OR5H14: variants seen among roughly 807,000 people sequenced by gnomAD.
OR5H14 encodes the protein olfactory receptor 5H14.
For missense variants in OR5H14, 392 were observed against 363.9 expected (o/e 1.08, Z -0.63); for synonymous variants, 155 against 130.6 (o/e 1.19, Z -1.28).
Position 98,152,487 on chromosome 3 carries a change from A to G in OR5H14, c.*2169A>G, listed in dbSNP as rs1708522468. 2.6e-5 allele frequency: 4 copies of G among 152,198 alleles called. No homozygotes were observed. Among genetic ancestry groups the G allele is most frequent in the Admixed American group, 2.6e-4 (4 of 15,272 alleles). 9.4% of individuals were successfully genotyped at this position (152,198 alleles called of 1,614,324 possible). A position where few individuals can be genotyped will look rare whatever the true frequency, so the allele number is the denominator to read the frequency against. ...TGCAGCCATAAAAAAGAATGAGTTC[A>G]TGTCCTTTGCAGGGACATGGATGAA... On this transcript the variant is annotated 3_prime_UTR_variant, in exon 2 of 2. Coordinates refer to ENST00000641380, the MANE Select transcript of OR5H14 (RefSeq NM_001005514.2).
chr3:98,149,337 G>C lies in OR5H14; in HGVS notation c.-18-31G>C, dbSNP rs199717823. 1.3e-3 allele frequency: 2,119 copies of C among 1,597,662 alleles called. 32 individuals carry two copies. The Admixed American group carries it at 0.024, about 18-fold the overall frequency. On this transcript the variant is annotated intron_variant, in intron 1 of 1. Transcript: ENST00000641380. ...TTCAACTCATAATGTCATTGCAGATGTTCCCTTTCATTTGTTGCATTTTAT... is the reference window on the plus strand; with the variant it reads ...TTCAACTCATAATGTCATTGCAGATCTTCCCTTTCATTTGTTGCATTTTAT...
Position 98,149,817 on chromosome 3 carries a change from A to G in OR5H14, c.432A>G (p.Leu144=), listed in dbSNP as rs1392417104. The stretch of plus-strand genomic sequence containing the variant: ...TGACCAATGGACTGTGCATCCGGCT[A>G]TTAATCTTGTCATATGTAGGTGGTC... ...AIMTNGLCIR[L]LILSYVGGLL... is the part of the protein sequence containing the mutation. The change falls in exon 2 of 2, where the codon CTA becomes CTG. Residue 144 remains leucine, a synonymous_variant. Transcript: ENST00000641380. 1.9e-6 allele frequency: 3 copies of G among 1,612,660 alleles called. No individual in the cohort carries two copies. Among genetic ancestry groups the G allele is most frequent in the Non-Finnish European group, 2.5e-6 (3 of 1,179,700 alleles).
intron 1 of OR5H14, 63 bp from the exon 2 acceptor site, chr3:98,149,305 T>G (rs1708464171): frequency 1.3e-6 from 2 of 1,531,270 alleles, no homozygotes; most frequent in Non-Finnish European, 1.8e-6. Context: ...AACACCTCTT[T>G]CCCAATTTCA....
In OR5H14 at chr3:98,155,686, G is replaced by C. The variant is rs2107321725; in HGVS notation, c.*5368G>C. On this transcript the variant is annotated 3_prime_UTR_variant, in exon 2 of 2. Transcript: ENST00000641380. The stretch of plus-strand genomic sequence containing the variant: ...GGAGGACAATTTTACAAGTTTACTT[G>C]GGGTTGCCTTCTGAAGGGAATCTAG... 1 of 152,304 alleles carries C rather than the reference G, an allele frequency of 6.6e-6. No individual in the cohort carries two copies. Among genetic ancestry groups the C allele is most frequent in the East Asian group, 1.9e-4 (1 of 5,180 alleles). The allele number at this position is 152,304 out of a possible 1,614,324, so 9.4% of individuals were successfully genotyped here.
chr3:98,153,512 G>A lies in OR5H14; in HGVS notation c.*3194G>A, dbSNP rs1454598397. On this transcript the variant is annotated 3_prime_UTR_variant, in exon 2 of 2. Coordinates refer to ENST00000641380, the MANE Select transcript of OR5H14 (RefSeq NM_001005514.2). ...GCAGGAGAATCACTTAAACCCAGGA[G>A]TGGGAGGTTGCAGTGAGCCGAGAAG... The A allele has an allele frequency of 6.6e-6, 1 of 152,178 alleles. No homozygotes were observed. Among genetic ancestry groups the A allele is most frequent in the Non-Finnish European group, 1.5e-5 (1 of 68,046 alleles). 9.4% of individuals were successfully genotyped at this position (152,178 alleles called of 1,614,324 possible). A position where few individuals can be genotyped will look rare whatever the true frequency, so the allele number is the denominator to read the frequency against.
In OR5H14 at chr3:98,149,918, A is replaced by G. The variant is rs763709233; in HGVS notation, c.533A>G (p.Tyr178Cys). The change falls in exon 2 of 2, where the codon TAC (tyrosine) becomes TGC (cysteine). Residue 178 changes from tyrosine (Y) to cysteine (C), a missense_variant. Transcript: ENST00000641380. ...FCNSNIIQHF[Y>C]CDIIPLLKIS... ...AACTCCAACATAATACAACACTTTTACTGTGACATTATCCCATTGTTAAAG... is the reference window on the plus strand; with the variant it reads ...AACTCCAACATAATACAACACTTTTGCTGTGACATTATCCCATTGTTAAAG... The G allele has an allele frequency of 6.2e-7, 1 of 1,613,466 alleles. No homozygotes were observed.
chr3:98,150,008 T>A lies in OR5H14; in HGVS notation c.623T>A (p.Val208Asp). Residue 208 changes from valine (V) to aspartate (D), a missense_variant, in exon 2 of 2, where the codon GTT (valine) becomes GAT (aspartate). By Grantham distance (152) the Val-to-Asp change is radical. Transcript: ENST00000641380. Reference sequence around the variant, plus strand: ...TTTATTTTTGCAGGTTCAATTCAAGTTTTTACCATAGGGACTGTTCTTATA... The same window carrying A: ...TTTATTTTTGCAGGTTCAATTCAAGATTTTACCATAGGGACTGTTCTTATA... Reference protein sequence around the residue: ...MVFIFAGSIQVFTIGTVLISY... With the variant: ...MVFIFAGSIQDFTIGTVLISY... 1 of 1,613,058 alleles carries A rather than the reference T, an allele frequency of 6.2e-7. No homozygotes were observed.
Position 98,149,927 on chromosome 3 carries a change from T to G in OR5H14, c.542T>G (p.Ile181Ser), listed in dbSNP as rs756775457. 5 of 1,613,352 alleles carry G rather than the reference T, an allele frequency of 3.1e-6. No homozygotes were observed. In the African/African-American group the frequency reaches 6.7e-5, roughly 22 times the overall value. ...SNIIQHFYCD[I>S]IPLLKISYTD... ...ATAATACAACACTTTTACTGTGACA[T>G]TATCCCATTGTTAAAGATTTCTTAT... The change falls in exon 2 of 2, where the codon ATT (isoleucine) becomes AGT (serine). Residue 181 changes from isoleucine to serine, a missense_variant. By Grantham distance (142) the Ile-to-Ser change is moderately radical. Transcript: ENST00000641380.
chr3:98,154,157 T>A lies in OR5H14; in HGVS notation c.*3839T>A, dbSNP rs1312963767. ...TTTAATTTTGCCTTATAGTCAGAGA[T>A]TAATTCCTGTTTTGTTTATAAGATT... On this transcript the variant is annotated 3_prime_UTR_variant, in exon 2 of 2. Coordinates refer to ENST00000641380, the MANE Select transcript of OR5H14 (RefSeq NM_001005514.2). The A allele has an allele frequency of 2.6e-5, 4 of 152,158 alleles. No homozygotes were observed. The South Asian group carries it at 8.3e-4, about 32-fold the overall frequency. The allele number at this position is 152,158 out of a possible 1,614,324, so 9.4% of individuals were successfully genotyped here.
Position 98,150,024 on chromosome 3 carries a change from T to G in OR5H14, c.639T>G (p.Thr213=). The G allele has an allele frequency of 6.2e-7, 1 of 1,612,992 alleles. No homozygotes were observed. The highest frequency in any genetic ancestry group is 8.5e-7 in the Non-Finnish European group (1 of 1,179,528). Residue 213 remains threonine (T), a synonymous_variant, in exon 2 of 2, where the codon ACT becomes ACG. Transcript: ENST00000641380. Reference sequence around the variant, plus strand: ...CAATTCAAGTTTTTACCATAGGGACTGTTCTTATATCTTACATATTTGTCC... The same window carrying G: ...CAATTCAAGTTTTTACCATAGGGACGGTTCTTATATCTTACATATTTGTCC... ...AGSIQVFTIG[T]VLISYIFVLY...
Position 98,149,785 on chromosome 3 carries a change from G to T in OR5H14, c.400G>T (p.Ala134Ser). 6.2e-7 allele frequency: 1 copy of T among 1,612,594 alleles called. No individual in the cohort carries two copies. Among genetic ancestry groups the T allele is most frequent in the South Asian group, 1.1e-5 (1 of 91,072 alleles). Residue 134 changes from alanine (A) to serine (S), a missense_variant, in exon 2 of 2, where the codon GCC becomes TCC. By Grantham distance (99) the Ala-to-Ser change is moderately conservative (BLOSUM62 1). Coordinates refer to ENST00000641380, the MANE Select transcript of OR5H14 (RefSeq NM_001005514.2). ...VAICKPLLYP[A>S]IMTNGLCIRL... ...CATATGCAAACCCTTACTTTATCCAGCCATTATGACCAATGGACTGTGCAT... is the reference window on the plus strand; with the variant it reads ...CATATGCAAACCCTTACTTTATCCATCCATTATGACCAATGGACTGTGCAT...
intron 1 of OR5H14, chr3:98,148,278 A>G (rs552108711): frequency 2.0e-5 from 3 of 152,162 alleles, no homozygotes; most frequent in African/African-American, 7.2e-5. Flanking sequence ...CATCTTGGCT[A>G]TTTACCAGAC....
In OR5H14 at chr3:98,150,349, A is replaced by G; in HGVS notation, c.*31A>G. ...TACTAATATCTCTTTTCTATTTACT[A>G]AAATGTCACAAAATTGTGCAAATTA... On this transcript the variant is annotated 3_prime_UTR_variant, in exon 2 of 2. Coordinates refer to ENST00000641380, the MANE Select transcript of OR5H14 (RefSeq NM_001005514.2). 1 of 1,405,774 alleles carries G rather than the reference A, an allele frequency of 7.1e-7. No homozygotes were observed. Among genetic ancestry groups the G allele is most frequent in the Non-Finnish European group, 9.5e-7 (1 of 1,055,834 alleles). The allele number at this position is 1,405,774 out of a possible 1,614,324, so 87.1% of individuals were successfully genotyped here. A position where few individuals can be genotyped will look rare whatever the true frequency, so the allele number is the denominator to read the frequency against.
At position 98,156,049 on chromosome 3, in the gene OR5H14, T is replaced by G. The variant is rs1708585665; in HGVS notation, c.*5731T>G. On this transcript the variant is annotated 3_prime_UTR_variant, in exon 2 of 2. Coordinates refer to ENST00000641380, the MANE Select transcript of OR5H14 (RefSeq NM_001005514.2). ...TCAGGGGAATTTCAGTTCTCTGACTTTTTCTCTCCTGGTCAAAACGGAGAT... is the reference window on the plus strand; with the variant it reads ...TCAGGGGAATTTCAGTTCTCTGACTGTTTCTCTCCTGGTCAAAACGGAGAT... The G allele has an allele frequency of 6.6e-6, 1 of 152,168 alleles. No individual in the cohort carries two copies. Among genetic ancestry groups the G allele is most frequent in the Non-Finnish European group, 1.5e-5 (1 of 68,012 alleles). 9.4% of individuals were successfully genotyped at this position (152,168 alleles called of 1,614,324 possible).
Position 98,154,995 on chromosome 3 carries a change from G to A in OR5H14, c.*4677G>A, listed in dbSNP as rs1708566259. ...TCTAACCTTCCTAACTGCTCCCACA[G>A]ATAATATTCCTATTGTGAAATCTAA... On this transcript the variant is annotated 3_prime_UTR_variant, in exon 2 of 2. Coordinates refer to ENST00000641380, the MANE Select transcript of OR5H14 (RefSeq NM_001005514.2). 6.7e-6 allele frequency: 1 copy of A among 149,376 alleles called. No individual in the cohort carries two copies. The highest frequency in any genetic ancestry group is 2.5e-5 in the African/African-American group (1 of 40,086). 9.3% of individuals were successfully genotyped at this position (149,376 alleles called of 1,614,324 possible). A position where few individuals can be genotyped will look rare whatever the true frequency, so the allele number is the denominator to read the frequency against.
At chr3:98,147,800 A>G (rs1274135336) in intron 1 of OR5H14, among the ~76,000 whole-genome samples, 2 of 152,056 alleles carry the variant, frequency 1.3e-5, no homozygotes, top group Non-Finnish European at 2.9e-5. Context: ...TGTTATAATA[A>G]CTTCATATGA....
At position 98,149,557 on chromosome 3, in the gene OR5H14, C is replaced by G; in HGVS notation, c.172C>G (p.Pro58Ala). 6.2e-7 allele frequency: 1 copy of G among 1,613,472 alleles called. No individual in the cohort carries two copies. Among genetic ancestry groups the G allele is most frequent in the Non-Finnish European group, 8.5e-7 (1 of 1,179,584 alleles). Residue 58 changes from proline to alanine, a missense_variant, in exon 2 of 2, where the codon CCA (proline) becomes GCA (alanine). Coordinates refer to ENST00000641380, the MANE Select transcript of OR5H14 (RefSeq NM_001005514.2). ...CTGGAAAGACCCTCATCTTCATATC[C>G]CAATGTACTTACTCCTTGGGAATTT... ...VIWKDPHLHI[P>A]MYLLLGNLAF...
In OR5H14 at chr3:98,155,265, T is replaced by G. The variant is rs1708571577; in HGVS notation, c.*4947T>G. On this transcript the variant is annotated 3_prime_UTR_variant, in exon 2 of 2. Transcript: ENST00000641380. ...CTCTGGATTTTTGGAAAGGGTGATC[T>G]GAGTAATAATAAAACTTGAATCTCC... The G allele has an allele frequency of 6.6e-6, 1 of 152,224 alleles. No homozygotes were observed. Among genetic ancestry groups the G allele is most frequent in the South Asian group, 2.1e-4 (1 of 4,832 alleles). 9.4% of individuals were successfully genotyped at this position (152,224 alleles called of 1,614,324 possible). A position where few individuals can be genotyped will look rare whatever the true frequency, so the allele number is the denominator to read the frequency against.
rs1339069563 is a variant in OR5H14 at position 98,149,390 on chromosome 3, A to C, written c.5A>C (p.Glu2Ala). 1.2e-6 allele frequency: 2 copies of C among 1,612,504 alleles called. No individual in the cohort carries two copies. The highest frequency in any genetic ancestry group is 1.7e-6 in the Non-Finnish European group (2 of 1,178,980). The part of the protein sequence containing the change: M[E>A]EENATLLTEF... ...TAGAGGACATGCAGTGAGGACATGG[A>C]AGAGGAAAATGCAACATTGCTGACA... Residue 2 changes from glutamate (E) to alanine (A), a missense_variant, in exon 2 of 2, where the codon GAA (glutamate) becomes GCA (alanine). By Grantham distance (107) the Glu-to-Ala change is moderately radical. Coordinates refer to ENST00000641380, the MANE Select transcript of OR5H14 (RefSeq NM_001005514.2).
Sources: gnomAD v4.1 joint callset for allele counts (sites outside exome capture counted in the v4.1 genomes callset) on GRCh38, gnomAD v4.1.1 for gene constraint, MANE v1.5 for transcripts, NCBI Gene and HGNC (gene_info 2026-07-23, HGNC 2026-07-21) for gene names.